Variants in CTNNA2 observed in about 807,000 individuals in gnomAD.
The protein encoded by CTNNA2 is catenin alpha 2.
CTNNA2 carries 42 observed loss-of-function variants against 101.0 expected under a neutral mutation model. The observed-to-expected ratio is 0.42, with a 90% CI of 0.32 to 0.54. The LOEUF (loss-of-function observed/expected upper bound fraction) is 0.54. Ranked by LOEUF, CTNNA2 falls within the 20% of genes least tolerant of loss-of-function variation. The probability of loss-of-function intolerance (pLI) is 0.14; values close to 1 mark genes in which losing one functional copy is unlikely to be tolerated. For missense variants in CTNNA2, 871 were observed against 1,223.1 expected (o/e 0.71, Z 4.29); for synonymous variants, 450 against 456.4 (o/e 0.99, Z 0.18).
intron 3 of CTNNA2, among the ~76,000 whole-genome samples, chr2:79,361,112 G>A (rs1291627685): frequency 6.6e-6 from 1 of 152,058 alleles, no homozygotes; most frequent in Non-Finnish European, 1.5e-5. Flanking sequence ...TTCTTGGGAA[G>A]ATCATTATTT....
In CTNNA2 at chr2:79,874,201, A is replaced by G. The variant is rs1682821680; in HGVS notation, c.711A>G (p.Arg237=). ...FLRHPDVAAT[R]ANRDYVFKQV... is the part of the protein sequence containing the mutation. Reference sequence around the variant, plus strand: ...GCCACCCAGATGTCGCCGCTACGAGAGCCAACCGAGATTATGTGTTCAAAC... The same window carrying G: ...GCCACCCAGATGTCGCCGCTACGAGGGCCAACCGAGATTATGTGTTCAAAC... The change falls in exon 6 of 19, where the codon AGA becomes AGG. Residue 237 remains arginine, a synonymous_variant. Transcript: ENST00000402739. 1 of 1,613,962 alleles carries G rather than the reference A, an allele frequency of 6.2e-7. No individual in the cohort carries two copies. The highest frequency in any genetic ancestry group is 8.5e-7 in the Non-Finnish European group (1 of 1,180,030).
At chr2:80,639,513 ATGTG>A (rs112045877) in intron 18 of CTNNA2, among the ~76,000 whole-genome samples, 74 of 147,512 alleles carry the variant, frequency 5.0e-4, no homozygotes, top group South Asian at 2.8e-3. Flanking sequence ...CCCAGCCTTG[ATGTG>A]TGTGTGTGTG....
At chr2:79,841,012 G>T (rs1387971913) in intron 3 of CTNNA2, among the ~76,000 whole-genome samples, 1 of 151,958 alleles carries the variant, frequency 6.6e-6, no homozygotes, top group Non-Finnish European at 1.5e-5. Flanking sequence ...CTCGTGATCC[G>T]CCCGCCTCGG....
At chr2:79,976,785 T>C (rs186680612) in intron 7 of CTNNA2, among the ~76,000 whole-genome samples, 1 of 152,296 alleles carries the variant, frequency 6.6e-6, no homozygotes, top group African/African-American at 2.4e-5. Context: ...TGTAGAGTGT[T>C]TGGCCAGTTC....
At chr2:79,892,594 T>C (rs1231088879) in intron 6 of CTNNA2, among the ~76,000 whole-genome samples, 2 of 152,202 alleles carry the variant, frequency 1.3e-5, no homozygotes, top group African/African-American at 2.4e-5. Context: ...ATTTTAAAGA[T>C]AGGGCACTTG....
chr2:79,692,683 A>G (rs902276216), intron 2 of CTNNA2, among the ~76,000 whole-genome samples: 25 of 152,098 alleles, frequency 1.6e-4, no homozygotes, highest in Non-Finnish European at 2.5e-4. Context: ...ACCATGGAAT[A>G]CTATACAGCC....
At chr2:80,539,245 T>A (rs1416988978) in intron 9 of CTNNA2, among the ~76,000 whole-genome samples, 2 of 152,068 alleles carry the variant, frequency 1.3e-5, no homozygotes. Context: ...AGATGCCAAT[T>A]GTAATACAAA....
intron 7 of CTNNA2, among the ~76,000 whole-genome samples, chr2:80,171,567 G>T (rs539456658): frequency 2.0e-5 from 3 of 152,196 alleles, no homozygotes; most frequent in Non-Finnish European, 4.4e-5. Context: ...CAGTGCTCAA[G>T]GCACCTAGGC....
chr2:79,598,415 C>A (rs367701507), intron 1 of CTNNA2, among the ~76,000 whole-genome samples: 2 of 152,208 alleles, frequency 1.3e-5, no homozygotes, highest in African/African-American at 4.8e-5. Context: ...TGTATGATTT[C>A]GCATTTCCAC....
chr2:79,724,152 T>G (rs1394434670), intron 2 of CTNNA2, among the ~76,000 whole-genome samples: 2 of 152,096 alleles, frequency 1.3e-5, no homozygotes, highest in Non-Finnish European at 2.9e-5. Flanking sequence ...TAATAGCTTC[T>G]GGTGGCCTTA....
intron 7 of CTNNA2, among the ~76,000 whole-genome samples, chr2:80,251,124 C>T (rs1671729997): frequency 6.6e-6 from 1 of 152,112 alleles, no homozygotes; most frequent in African/African-American, 2.4e-5. Context: ...GTGTTTCTTC[C>T]CACACGTTTA....
chr2:80,307,481 G>C (rs1373638858), intron 7 of CTNNA2, among the ~76,000 whole-genome samples: 1 of 150,090 alleles, frequency 6.7e-6, no homozygotes, highest in Admixed American at 6.6e-5. Context: ...AGGAAAAAAA[G>C]AAAAAAAAAG....
chr2:79,930,680 T>C (rs1313424394), intron 7 of CTNNA2, among the ~76,000 whole-genome samples: 1 of 152,246 alleles, frequency 6.6e-6, no homozygotes, highest in Non-Finnish European at 1.5e-5. Flanking sequence ...CTGGAAGTTA[T>C]ATTTTCTGAT....
intron 13 of CTNNA2, chr2:80,575,433 G>A (rs6726843): frequency 0.48 from 72,850 of 151,906 alleles, 17,826 homozygotes; most frequent in South Asian, 0.59. Flanking sequence ...GTGTGTGTGC[G>A]TGTATGTGTG....
At position 80,089,364 on chromosome 2, in the gene CTNNA2, C is replaced by T. The variant is rs200911606; in HGVS notation, c.1056+179567C>T. On this transcript the variant is annotated intron_variant, in intron 7 of 18. Transcript: ENST00000402739. The stretch of plus-strand genomic sequence containing the variant: ...AAAGGAGTCCCTAATAAAGCAAAGA[C>T]ATAAGTCAAAGGAAAACCAGGGTCT... Among the ~76,000 whole-genome samples, 9 of 152,006 alleles carry T rather than the reference C, an allele frequency of 5.9e-5. No individual in the cohort carries two copies. In the East Asian group the frequency reaches 1.8e-3, roughly 30 times the overall value.
At chr2:79,890,975 A>G (rs1484184557) in intron 6 of CTNNA2, among the ~76,000 whole-genome samples, 2 of 149,170 alleles carry the variant, frequency 1.3e-5, no homozygotes, top group Non-Finnish European at 3.0e-5. Flanking sequence ...ATCCCTCCAG[A>G]TATAGTCACC....
intron 7 of CTNNA2, among the ~76,000 whole-genome samples, chr2:80,047,143 T>C (rs1696582712): frequency 6.6e-6 from 1 of 152,184 alleles, no homozygotes; most frequent in African/African-American, 2.4e-5. Flanking sequence ...TCATTACCTC[T>C]CCTAAATAAA....
chr2:80,090,142 CTCTCTGTGTGTG>C (rs1367549571), intron 7 of CTNNA2, among the ~76,000 whole-genome samples: 3 of 86,044 alleles, frequency 3.5e-5, no homozygotes, highest in African/African-American at 1.3e-4. Flanking sequence ...CACTCTCTCT[CTCTCTGTGTGTG>C]TGTGTGTGTG....
At position 79,424,166 on chromosome 2, in the gene CTNNA2, C is replaced by T. The variant is rs547387840; in HGVS notation, c.-135+50153C>T. Among the ~76,000 whole-genome samples, 27 of 152,190 alleles carry T rather than the reference C, an allele frequency of 1.8e-4. No individual in the cohort carries two copies. In the South Asian group the frequency reaches 5.6e-3, roughly 32 times the overall value. On this transcript the variant is annotated intron_variant, in intron 4 of 21. Coordinates refer to the CTNNA2 transcript ENST00000466387. ...CAGAGAGGGAGAATTGTGAGACCAA[C>T]TGGGAATCATAGTTCTTTCCTGCTT...
Sources: allele counts gnomAD v4.1 joint callset (sites outside exome capture counted in the v4.1 genomes callset), GRCh38; gene constraint gnomAD v4.1.1; transcripts MANE v1.5; gene names NCBI Gene and HGNC (gene_info 2026-07-23, HGNC 2026-07-21).